The following COL9A1 variants were observed in gnomAD, a reference collection of about 807,000 sequenced individuals.
COL9A1 encodes collagen alpha-1(IX) chain.
A neutral mutation model predicts 142.6 loss-of-function variants in COL9A1; 104 were observed. That is an observed-to-expected ratio of 0.73 (90% CI 0.62 to 0.86). The LOEUF is 0.86. Ranked by LOEUF, COL9A1 falls within the 40% of genes least tolerant of loss-of-function variation. COL9A1 has a pLI of 0.00. For synonymous variants in COL9A1, 466 were observed against 396.0 expected, an observed-to-expected ratio of 1.18 and a Z score of -2.10; for missense variants, 1,210 against 1,176.6, an observed-to-expected ratio of 1.03 and a Z score of -0.42.
intron 14 of COL9A1, among the ~76,000 whole-genome samples, chr6:70,271,358 A>G (rs143715997): frequency 2.2e-4 from 34 of 152,300 alleles, no homozygotes; most frequent in African/African-American, 6.5e-4. Context: ...AGCCTAATAC[A>G]AAAGCCACTA....
Position 70,256,801 on chromosome 6 carries a change from A to G in COL9A1, c.1470T>C (p.Gly490=). ...KGEKGARGLD[G]EPGPQGLPGA... Reference sequence around the variant, plus strand: ...CAGGAAGACCCTGAGGCCCAGGTTCACCATCTAAGCCCCGAGCACCCTGCA... The same window carrying G: ...CAGGAAGACCCTGAGGCCCAGGTTCGCCATCTAAGCCCCGAGCACCCTGCA... The change falls in exon 21 of 38, where the codon GGT becomes GGC. Residue 490 remains glycine (G), a synonymous_variant. Transcript: ENST00000357250. 6.2e-7 allele frequency: 1 copy of G among 1,613,926 alleles called. No homozygotes were observed. Among genetic ancestry groups the G allele is most frequent in the Non-Finnish European group, 8.5e-7 (1 of 1,179,970 alleles).
At chr6:70,301,260 C>T (rs1774049619) in intron 2 of COL9A1, among the ~76,000 whole-genome samples, 1 of 152,136 alleles carries the variant, frequency 6.6e-6, no homozygotes, top group Non-Finnish European at 1.5e-5. Flanking sequence ...ACTCTCTAGA[C>T]TTCAAAAAAA....
intron 4 of COL9A1, 146 bp from the exon 5 acceptor site, chr6:70,294,709 A>G: frequency 1.4e-6 from 1 of 730,720 alleles, no homozygotes; most frequent in Non-Finnish European, 2.3e-6. Flanking sequence ...TTCTTTCATG[A>G]CTGTTCATAA....
chr6:70,236,485 T>C (rs959550232), intron 33 of COL9A1, among the ~76,000 whole-genome samples: 10 of 152,212 alleles, frequency 6.6e-5, no homozygotes, highest in African/African-American at 2.4e-4. Context: ...GTTCAAGATA[T>C]GAATGTTTAT....
chr6:70,260,267 C>T (rs377643794), intron 20 of COL9A1, among the ~76,000 whole-genome samples: 137 of 152,190 alleles, frequency 9.0e-4, no homozygotes, highest in African/African-American at 3.1e-3. Flanking sequence ...TTAGGCTGGG[C>T]GCGGTGGCTC....
chr6:70,280,708 T>TCC, intron 10 of COL9A1, 104 bp downstream of exon 10: 1 of 1,432,732 alleles, frequency 7.0e-7, no homozygotes, highest in Non-Finnish European at 9.6e-7. Flanking sequence ...CAGCGCGTTC[T>TCC]CTCTCTCTCT....
At chr6:70,270,865 C>T (rs1276935964) in intron 14 of COL9A1, among the ~76,000 whole-genome samples, 4 of 152,192 alleles carry the variant, frequency 2.6e-5, no homozygotes, top group African/African-American at 9.7e-5. Flanking sequence ...GCACCTCTTG[C>T]AATGAGTCAG....
At chr6:70,283,935 G>A in intron 5 of COL9A1, 115 bp from the exon 6 acceptor site, 1 of 791,866 alleles carries the variant, frequency 1.3e-6, no homozygotes, top group Non-Finnish European at 2.2e-6. Flanking sequence ...ACTTGAACTG[G>A]TTGAGCACAC....
In COL9A1 at chr6:70,227,424, T is replaced by TAAAAAAAAA. The variant is rs11407353; in HGVS notation, c.2504-1424_2504-1416dup. ...CTCATAACAAAATAAATGCAAATTG[T>TAAAAAAAAA]AAAAAAAAAAAAAAAAAAAAAAAAG... On this transcript the variant is annotated intron_variant, in intron 36 of 37. Coordinates refer to ENST00000357250, the MANE Select transcript of COL9A1 (RefSeq NM_001851.6). 3.8e-4 allele frequency among the ~76,000 whole-genome samples: 19 copies of TAAAAAAAAA among 50,028 alleles called. No individual in the cohort carries two copies. The East Asian group carries it at 6.0e-3, about 16-fold the overall frequency. The allele number at this position is 50,028 out of a possible 152,430, so 32.8% of individuals were successfully genotyped here. A position where few individuals can be genotyped will look rare whatever the true frequency, so the allele number is the denominator to read the frequency against.
At chr6:70,265,589 T>C (rs1046891290) in intron 18 of COL9A1, among the ~76,000 whole-genome samples, 4 of 151,676 alleles carry the variant, frequency 2.6e-5, no homozygotes, top group Non-Finnish European at 5.9e-5. Context: ...AAACTTTTAA[T>C]GACAATTTTT....
intron 2 of COL9A1, among the ~76,000 whole-genome samples, chr6:70,301,072 A>C (rs1774043730): frequency 6.6e-6 from 1 of 152,222 alleles, no homozygotes; most frequent in South Asian, 2.1e-4. Context: ...AGTAAAAAGA[A>C]GAAGAAAATA....
chr6:70,272,412 C>G (rs1887762), intron 12 of COL9A1, among the ~76,000 whole-genome samples: 2 of 152,136 alleles, frequency 1.3e-5, no homozygotes, highest in East Asian at 3.9e-4. Flanking sequence ...AGGTGCATCA[C>G]AACTGGAGAG....
chr6:70,269,068 G>A (rs1772227305), intron 16 of COL9A1, among the ~76,000 whole-genome samples: 1 of 152,086 alleles, frequency 6.6e-6, no homozygotes, highest in Admixed American at 6.5e-5. Flanking sequence ...TAACAGAAAA[G>A]TGTAGAGAAT....
chr6:70,225,282 C>T (rs995524077), intron 37 of COL9A1, among the ~76,000 whole-genome samples: 1 of 152,106 alleles, frequency 6.6e-6, no homozygotes, highest in South Asian at 2.1e-4. Context: ...TAAGTGTGTT[C>T]CAGCCTGGAC....
Position 70,216,783 on chromosome 6 carries a change from A to G in COL9A1, c.*114T>C. The stretch of plus-strand genomic sequence containing the variant: ...CTTCTGTAATCATACTGAAGGTAAT[A>G]CATTGTAATCATGCTGAAGGTAATC... On this transcript the variant is annotated 3_prime_UTR_variant, in exon 38 of 38. Transcript: ENST00000357250. 1 of 1,046,532 alleles carries G rather than the reference A, an allele frequency of 9.6e-7. No individual in the cohort carries two copies. Among genetic ancestry groups the G allele is most frequent in the Non-Finnish European group, 1.5e-6 (1 of 684,232 alleles). 64.8% of individuals were successfully genotyped at this position (1,046,532 alleles called of 1,614,324 possible).
At chr6:70,287,468 G>T (rs1474199542) in intron 5 of COL9A1, among the ~76,000 whole-genome samples, 4 of 152,118 alleles carry the variant, frequency 2.6e-5, no homozygotes, top group Non-Finnish European at 5.9e-5. Flanking sequence ...CCGCAGTAAA[G>T]CAACAAGAAG....
intron 10 of COL9A1, among the ~76,000 whole-genome samples, chr6:70,278,123 A>G (rs904171197): frequency 2.6e-5 from 4 of 152,246 alleles, no homozygotes; most frequent in African/African-American, 9.6e-5. Flanking sequence ...GGAATATAAA[A>G]CAAACCAATA....
At chr6:70,240,623 T>G in intron 32 of COL9A1, 66 bp downstream of exon 32, 1 of 1,075,270 alleles carries the variant, frequency 9.3e-7, no homozygotes, top group Non-Finnish European at 1.4e-6. Context: ...TAGAAGTATA[T>G]ATATATACTT....
intron 17 of COL9A1, 121 bp from the exon 18 acceptor site, chr6:70,266,891 A>G (rs1324849341): frequency 2.4e-6 from 2 of 833,834 alleles, no homozygotes; most frequent in Non-Finnish European, 4.2e-6. Flanking sequence ...GAGTTATGTC[A>G]CAAAGAAAAT....
Sources: allele counts gnomAD v4.1 joint callset (sites outside exome capture counted in the v4.1 genomes callset), GRCh38; gene constraint gnomAD v4.1.1; transcripts MANE v1.5; gene names NCBI Gene and HGNC (gene_info 2026-07-23, HGNC 2026-07-21).